The following ZNF131 variants were observed in gnomAD, a reference collection of about 807,000 sequenced individuals.
The protein encoded by ZNF131 is zinc finger protein 131.
Under a neutral mutation model 60.0 loss-of-function variants are expected in ZNF131, and 7 were observed. The observed-to-expected ratio is 0.12, with a 90% CI of 0.07 to 0.22. The LOEUF (loss-of-function observed/expected upper bound fraction) is 0.22, where lower values mean the gene tolerates loss of function less well. Ranked by LOEUF, ZNF131 falls within the 10% of genes least tolerant of loss-of-function variation. The pLI is 1.00. For missense variants in ZNF131, 493 were observed against 740.9 expected (o/e 0.67, Z 3.88); for synonymous variants, 257 against 253.2 (o/e 1.01, Z -0.14).
At chr5:43,147,121 T>C (rs1276595102) in intron 4 of ZNF131, among the ~76,000 whole-genome samples, 1 of 152,194 alleles carries the variant, frequency 6.6e-6, no homozygotes, top group Non-Finnish European at 1.5e-5. Context: ...CATTGTGTTT[T>C]AGAGATTTGT....
At position 43,175,518 on chromosome 5, in the gene ZNF131, G is replaced by C. The variant is rs1332652785; in HGVS notation, c.*385G>C. On this transcript the variant is annotated 3_prime_UTR_variant, in exon 7 of 7. Coordinates refer to ENST00000682664, the MANE Select transcript of ZNF131 (RefSeq NM_001330707.2). Reference sequence around the variant, plus strand: ...TCAAACTTAAATCATTAGAATACAAGTTTATGTATTCTAATGCATGTTAGA... The same window carrying C: ...TCAAACTTAAATCATTAGAATACAACTTTATGTATTCTAATGCATGTTAGA... The C allele has an allele frequency of 1.4e-6, 1 of 693,896 alleles. No homozygotes were observed. The highest frequency in any genetic ancestry group is 2.6e-6 in the Non-Finnish European group (1 of 382,622). The allele number at this position is 693,896 out of a possible 1,614,324, so 43.0% of individuals were successfully genotyped here.
At chr5:43,134,513 G>A (rs760602268) in intron 3 of ZNF131, among the ~76,000 whole-genome samples, 3 of 151,900 alleles carry the variant, frequency 2.0e-5, no homozygotes, top group Non-Finnish European at 4.4e-5. Context: ...GAGCAATTAG[G>A]CAAGAAAAAG....
chr5:43,139,396 A>G (rs914650165), intron 4 of ZNF131, 87 bp downstream of exon 4: 3 of 1,294,130 alleles, frequency 2.3e-6, no homozygotes, highest in Admixed American at 2.9e-5. Flanking sequence ...GTGTCATGCC[A>G]TGAAGAACAG....
chr5:43,162,952 TC>T (rs1561439659), intron 5 of ZNF131, among the ~76,000 whole-genome samples: 47 of 124,790 alleles, frequency 3.8e-4, no homozygotes, highest in South Asian at 8.1e-4. Flanking sequence ...TGTTTATACT[TC>T]TTTTCTTTTA....
intron 5 of ZNF131, among the ~76,000 whole-genome samples, chr5:43,168,733 G>A (rs1750640805): frequency 1.3e-5 from 2 of 152,212 alleles, no homozygotes; most frequent in Non-Finnish European, 2.9e-5. Context: ...TGCTAGCTCA[G>A]TGAGGAATCT....
chr5:43,168,875 T>G (rs1750657299), intron 5 of ZNF131, among the ~76,000 whole-genome samples: 1 of 152,154 alleles, frequency 6.6e-6, no homozygotes, highest in Non-Finnish European at 1.5e-5. Flanking sequence ...AAAGAGCTGG[T>G]GACTCCCAGC....
intron 5 of ZNF131, among the ~76,000 whole-genome samples, chr5:43,168,981 A>G (rs949377831): frequency 5.3e-5 from 8 of 152,232 alleles, no homozygotes; most frequent in African/African-American, 7.2e-5. Flanking sequence ...AATACCAGAC[A>G]TGTTGACAGA....
chr5:43,141,153 A>G (rs958508469), intron 4 of ZNF131, among the ~76,000 whole-genome samples: 1 of 152,160 alleles, frequency 6.6e-6, no homozygotes. Context: ...ATACGTATAT[A>G]TATTCTTTGA....
intron 4 of ZNF131, among the ~76,000 whole-genome samples, chr5:43,159,161 A>G (rs1322500325): frequency 6.6e-6 from 1 of 152,138 alleles, no homozygotes; most frequent in Non-Finnish European, 1.5e-5. Flanking sequence ...CAAAATTTTT[A>G]TAGTGGGCTA....
intron 4 of ZNF131, among the ~76,000 whole-genome samples, chr5:43,144,490 A>G (rs1044764030): frequency 3.9e-5 from 6 of 152,018 alleles, no homozygotes; most frequent in African/African-American, 1.2e-4. Context: ...TTGACCTCCC[A>G]AAGTACTGGG....
intron 5 of ZNF131, among the ~76,000 whole-genome samples, chr5:43,163,273 C>T (rs185608179): frequency 2.6e-5 from 4 of 152,164 alleles, no homozygotes; most frequent in East Asian, 1.9e-4. Flanking sequence ...CCACCACATC[C>T]GGCCCATGTT....
intron 4 of ZNF131, among the ~76,000 whole-genome samples, chr5:43,151,196 C>T (rs1233367064): frequency 1.3e-5 from 2 of 152,176 alleles, no homozygotes; most frequent in Non-Finnish European, 2.9e-5. Flanking sequence ...AACATATCAG[C>T]TTAAGTCATG....
At chr5:43,132,840 A>T (rs929740630) in intron 3 of ZNF131, among the ~76,000 whole-genome samples, 2 of 152,136 alleles carry the variant, frequency 1.3e-5, no homozygotes, top group Admixed American at 1.3e-4. Context: ...CAAATAGAGG[A>T]TACTGCTTTG....
chr5:43,140,119 GTGGGA>G (rs1746618402), intron 4 of ZNF131, among the ~76,000 whole-genome samples: 1 of 74,786 alleles, frequency 1.3e-5, no homozygotes, highest in Non-Finnish European at 2.9e-5. Context: ...AGGAGCTGAG[GTGGGA>G]GGGGAGGATC....
rs764889494 is a variant in ZNF131, at chr5:43,139,355, G to A, written c.371+46G>A. ...GGTTCAGATAGTCATATTCAGTCATGTTCATTCTGTTAGTGAAGAACTTAC... is the reference window on the plus strand; with the variant it reads ...GGTTCAGATAGTCATATTCAGTCATATTCATTCTGTTAGTGAAGAACTTAC... On this transcript the variant is annotated intron_variant, in intron 4 of 6. Transcript: ENST00000682664. The A allele has an allele frequency of 1.7e-5, 25 of 1,483,476 alleles. No individual in the cohort carries two copies. In the South Asian group the frequency reaches 3.8e-4, roughly 23 times the overall value. 91.9% of individuals were successfully genotyped at this position (1,483,476 alleles called of 1,614,324 possible). A position where few individuals can be genotyped will look rare whatever the true frequency, so the allele number is the denominator to read the frequency against.
At chr5:43,162,324 G>A (rs1186841469) in intron 5 of ZNF131, among the ~76,000 whole-genome samples, 1 of 152,174 alleles carries the variant, frequency 6.6e-6, no homozygotes, top group African/African-American at 2.4e-5. Flanking sequence ...AGGCGCGGTG[G>A]CTCATGCCTG....
chr5:43,155,185 G>T (rs747138923), intron 4 of ZNF131, among the ~76,000 whole-genome samples: 5 of 152,130 alleles, frequency 3.3e-5, no homozygotes, highest in Non-Finnish European at 5.9e-5. Context: ...TTTCATGATG[G>T]CTGAGGGGGC....
intron 4 of ZNF131, among the ~76,000 whole-genome samples, chr5:43,151,132 C>T (rs1345643729): frequency 1.3e-5 from 2 of 152,142 alleles, no homozygotes; most frequent in Admixed American, 6.6e-5. Flanking sequence ...TAAACCTGGC[C>T]CCAGTGGCTT....
chr5:43,160,442 G>A (rs1749542303), intron 4 of ZNF131, among the ~76,000 whole-genome samples: 1 of 152,036 alleles, frequency 6.6e-6, no homozygotes, highest in Admixed American at 6.6e-5. Flanking sequence ...TGAAGCCACA[G>A]TGAGCCAACA....
Sources: allele counts gnomAD v4.1 joint callset (sites outside exome capture counted in the v4.1 genomes callset), GRCh38; gene constraint gnomAD v4.1.1; transcripts MANE v1.5; gene names NCBI Gene and HGNC (gene_info 2026-07-23, HGNC 2026-07-21).